Variants in SYNE1 observed in about 807,000 individuals in gnomAD.
The protein encoded by SYNE1 is spectrin repeat containing nuclear envelope protein 1.
SYNE1 carries 616 observed loss-of-function variants against 1,111.0 expected under a neutral mutation model. The ratio of observed to expected loss-of-function variants is 0.55; its 90% CI spans 0.52 to 0.59. The LOEUF is 0.59. Ranked by LOEUF, SYNE1 falls within the 20% of genes least tolerant of loss-of-function variation. SYNE1 has a pLI of 0.00. For synonymous variants in SYNE1, 3,855 were observed against 3,825.8 expected (o/e 1.01, Z -0.28); for missense variants, 10,006 against 10,417.0 (o/e 0.96, Z 1.72).
chr6:152,611,492 T>C (rs948094876), intron 3 of SYNE1, among the ~76,000 whole-genome samples: 6 of 152,130 alleles, frequency 3.9e-5, no homozygotes, highest in Admixed American at 6.5e-5. Context: ...CCCAGATTCA[T>C]AAAGCAAGTC....
At chr6:152,455,635 C>A in intron 23 of SYNE1, 45 bp from the exon 24 acceptor site, 2 of 1,608,864 alleles carry the variant, frequency 1.2e-6, no homozygotes, top group Non-Finnish European at 1.7e-6. Context: ...TTTCTCATTA[C>A]TGAAAGGATC....
chr6:152,542,156 TG>T (rs2099274107), intron 3 of SYNE1, among the ~76,000 whole-genome samples: 1 of 152,216 alleles, frequency 6.6e-6, no homozygotes. Flanking sequence ...TCTTTGTCTC[TG>T]ACCTTGTCTG....
chr6:152,376,876 T>C lies in SYNE1; in HGVS notation c.9046A>G (p.Thr3016Ala), dbSNP rs2097290792. Residue 3016 changes from threonine to alanine, a missense_variant, in exon 57 of 146, where the codon ACA (threonine) becomes GCA (alanine). Physicochemically the swap from Thr to Ala is moderately conservative, Grantham distance 58. Around this residue, in one of 7 missense-constraint regions of SYNE1, gnomAD observed 4,955 missense variants for 5,017.2 expected, o/e 0.99. Transcript: ENST00000367255. ...LDALQKAEPR[T>A]EDLKSQLNEL... ...TTCAGCTGAGACTTGAGATCCTCTG[T>C]TCTAGGCTCTGCTTTTTGCAAAGCA... 1 of 1,613,980 alleles carries C rather than the reference T, an allele frequency of 6.2e-7. No individual in the cohort carries two copies. Among genetic ancestry groups the C allele is most frequent in the African/African-American group, 1.3e-5 (1 of 74,942 alleles).
chr6:152,346,939 G>A, intron 73 of SYNE1, 120 bp downstream of exon 73: 1 of 1,195,736 alleles, frequency 8.4e-7, no homozygotes, highest in Non-Finnish European at 1.2e-6. Flanking sequence ...TTTCCTGTCT[G>A]GCAACACACC....
chr6:152,382,562 C>A (rs999775484), intron 55 of SYNE1, among the ~76,000 whole-genome samples: 1 of 152,032 alleles, frequency 6.6e-6, no homozygotes, highest in Non-Finnish European at 1.5e-5. Flanking sequence ...GACATGAAAA[C>A]CCTTACACAC....
At chr6:152,407,762 CT>C (rs34322784) in intron 44 of SYNE1, among the ~76,000 whole-genome samples, 46,777 of 123,600 alleles carry the variant, frequency 0.38, 7,679 homozygotes, top group East Asian at 0.69. Context: ...AAAGAATGTT[CT>C]TTTTTTTTTT....
intron 25 of SYNE1, 54 bp from the exon 26 acceptor site, chr6:152,451,259 A>G: frequency 3.2e-6 from 5 of 1,561,432 alleles, no homozygotes; most frequent in South Asian, 1.1e-5. Context: ...GATTATGTAC[A>G]TTCCCAATTG....
In SYNE1 at chr6:152,206,285, C is replaced by T. The variant is rs140577642; in HGVS notation, c.22902G>A (p.Ser7634=). 147 of 1,613,868 alleles carry T rather than the reference C, an allele frequency of 9.1e-5. No homozygotes were observed. The highest frequency in any genetic ancestry group is 4.8e-4 in the Admixed American group (29 of 60,012). Residue 7634 remains serine, a synonymous_variant, in exon 126 of 146, where the codon TCG becomes TCA. Coordinates refer to ENST00000367255, the MANE Select transcript of SYNE1 (RefSeq NM_182961.4). ...TVEAGKQLLL[S]ADSGAEAALQ... ...AGGCGGCCTCAGCGCCACTGTCCGCCGAGAGAAGGAGTTGCTTGCCAGCCT... is the reference window on the plus strand; with the variant it reads ...AGGCGGCCTCAGCGCCACTGTCCGCTGAGAGAAGGAGTTGCTTGCCAGCCT...
chr6:152,329,746 G>C lies in SYNE1; in HGVS notation c.14939C>G (p.Ala4980Gly), dbSNP rs758221444. 1.1e-5 allele frequency: 17 copies of C among 1,614,186 alleles called. No homozygotes were observed. Among genetic ancestry groups the C allele is most frequent in the East Asian group, 2.2e-5 (1 of 44,882 alleles). Residue 4980 changes from alanine to glycine, a missense_variant, in exon 78 of 146, where the codon GCC becomes GGC. Coordinates refer to ENST00000367255, the MANE Select transcript of SYNE1 (RefSeq NM_182961.4). ...TATACCCACCTGTCTGGTGCGTAAGGCTTCCTGGATGTCTCCATCCAGCTC... is the reference window on the plus strand; with the variant it reads ...TATACCCACCTGTCTGGTGCGTAAGCCTTCCTGGATGTCTCCATCCAGCTC... ...LSELDGDIQEALRTRQATLTE... is the reference protein window; with the variant it reads ...LSELDGDIQEGLRTRQATLTE...
intron 59 of SYNE1, 59 bp downstream of exon 59, chr6:152,372,978 T>TAAC: frequency 6.3e-7 from 1 of 1,583,036 alleles, no homozygotes; most frequent in Non-Finnish European, 8.7e-7. Context: ...GTGATTTCAC[T>TAAC]AACAACAACA....
At chr6:152,354,597 GA>G in intron 67 of SYNE1, 61 bp downstream of exon 67, 1 of 1,594,984 alleles carries the variant, frequency 6.3e-7, no homozygotes, top group Non-Finnish European at 8.6e-7. Flanking sequence ...ATATCTTAAT[GA>G]AACAAACTAT....
intron 98 of SYNE1, among the ~76,000 whole-genome samples, chr6:152,276,536 T>C (rs2093637533): frequency 6.6e-6 from 1 of 152,158 alleles, no homozygotes; most frequent in South Asian, 2.1e-4. Flanking sequence ...AGGTTAGTCC[T>C]AACAATCATC....
rs2096753897 is a variant in SYNE1 at position 152,352,253 on chromosome 6, C to T, written c.11354G>A (p.Arg3785Lys). Residue 3785 changes from arginine to lysine, a missense_variant, in exon 70 of 146, where the codon AGG becomes AAG. Transcript: ENST00000367255. ...VKYLEEGEAERLRKEIHDHME... is the reference protein window; with the variant it reads ...VKYLEEGEAEKLRKEIHDHME... ...GTGATCATGAATCTCCTTTCTTAAC[C>T]TCTCTGCCTCGCCTTCCTCCAAGTA... 4 of 1,614,150 alleles carry T rather than the reference C, an allele frequency of 2.5e-6. No individual in the cohort carries two copies. Among genetic ancestry groups the T allele is most frequent in the Non-Finnish European group, 3.4e-6 (4 of 1,180,012 alleles).
intron 7 of SYNE1, among the ~76,000 whole-genome samples, chr6:152,510,805 G>A (rs552061476): frequency 1.7e-4 from 26 of 152,190 alleles, no homozygotes; most frequent in African/African-American, 5.1e-4. Flanking sequence ...GGAGTTCTTC[G>A]GGGTGTGAGG....
At position 152,257,358 on chromosome 6, in the gene SYNE1, C is replaced by T. The variant is rs142826595; in HGVS notation, c.18973-593G>A. On this transcript the variant is annotated intron_variant, in intron 101 of 145. Transcript: ENST00000367255. ...GACCGGCCTGGCCAACATGGTGAAA[C>T]CCCGTCTCTACTAAAAATACAAAAA... Among the ~76,000 whole-genome samples the T allele has an allele frequency of 2.5e-3, 388 of 152,212 alleles. 2 individuals carry two copies. Among genetic ancestry groups the T allele is most frequent in the African/African-American group, 9.1e-3 (376 of 41,540 alleles).
At chr6:152,404,006 GATATAC>G (rs1269677399) in intron 46 of SYNE1, among the ~76,000 whole-genome samples, 3 of 150,912 alleles carry the variant, frequency 2.0e-5, no homozygotes, top group Non-Finnish European at 2.9e-5. Context: ...ATATAAAGGA[GATATAC>G]ATATATATGA....
intron 3 of SYNE1, among the ~76,000 whole-genome samples, chr6:152,579,697 G>T (rs550955203): frequency 1.0e-3 from 156 of 152,192 alleles, no homozygotes; most frequent in African/African-American, 3.6e-3. Context: ...GTAGACCCTG[G>T]TATCTATGTT....
At chr6:152,588,398 A>G (rs1486005097) in intron 3 of SYNE1, among the ~76,000 whole-genome samples, 3 of 152,222 alleles carry the variant, frequency 2.0e-5, no homozygotes, top group Non-Finnish European at 2.9e-5. Flanking sequence ...CAGTGATACA[A>G]TGTCACACAG....
intron 3 of SYNE1, among the ~76,000 whole-genome samples, chr6:152,568,679 G>C (rs2099429188): frequency 6.6e-6 from 1 of 152,084 alleles, no homozygotes; most frequent in African/African-American, 2.4e-5. Context: ...GGTGCAATCA[G>C]CACACTGCAG....
Sources: allele counts gnomAD v4.1 joint callset (sites outside exome capture counted in the v4.1 genomes callset), GRCh38; gene constraint gnomAD v4.1.1; regional missense constraint gnomAD v4.1.1; transcripts MANE v1.5; gene names NCBI Gene and HGNC (gene_info 2026-07-23, HGNC 2026-07-21).